PCSK2: variants seen among roughly 807,000 people sequenced by gnomAD.
The protein encoded by PCSK2 is neuroendocrine convertase 2.
Under a neutral mutation model 69.7 loss-of-function variants are expected in PCSK2, and 14 were observed. The ratio of observed to expected loss-of-function variants is 0.20; its 90% confidence interval spans 0.13 to 0.31. PCSK2 has a LOEUF of 0.31. PCSK2 is among the 10% of genes least tolerant of loss of function. PCSK2 has a pLI of 1.00. For synonymous variants in PCSK2, 307 were observed against 320.7 expected (o/e 0.96, Z 0.46); for missense variants, 544 against 842.5 (o/e 0.65, Z 4.39).
chr20:17,351,122 T>C (rs2029972050), intron 2 of PCSK2, among the ~76,000 whole-genome samples: 1 of 152,134 alleles, frequency 6.6e-6, no homozygotes, highest in African/African-American at 2.4e-5. Flanking sequence ...TGTTTTCTGC[T>C]TCATCTTAGC....
intron 2 of PCSK2, among the ~76,000 whole-genome samples, chr20:17,335,230 C>T (rs1990313361): frequency 6.6e-6 from 1 of 152,090 alleles, no homozygotes; most frequent in Non-Finnish European, 1.5e-5. Context: ...GGCTGGATGT[C>T]CAAGATGTCC....
chr20:17,404,685 T>C (rs1276944980), intron 5 of PCSK2, among the ~76,000 whole-genome samples: 1 of 152,180 alleles, frequency 6.6e-6, no homozygotes, highest in Non-Finnish European at 1.5e-5. Flanking sequence ...ATGGGGCACG[T>C]ATGTCTCAGA....
At chr20:17,269,350 A>C (rs1046136494) in intron 2 of PCSK2, among the ~76,000 whole-genome samples, 5 of 152,160 alleles carry the variant, frequency 3.3e-5, no homozygotes, top group Non-Finnish European at 7.4e-5. Context: ...ATAACTGGGG[A>C]CCAGCAAAGG....
intron 2 of PCSK2, among the ~76,000 whole-genome samples, chr20:17,313,075 G>C (rs1989566627): frequency 6.6e-6 from 1 of 152,120 alleles, no homozygotes; most frequent in Non-Finnish European, 1.5e-5. Context: ...TAAAAAGGAA[G>C]ACAAGGCAAT....
chr20:17,242,583 C>A (rs1986622549), intron 1 of PCSK2, among the ~76,000 whole-genome samples: 1 of 152,194 alleles, frequency 6.6e-6, no homozygotes, highest in Admixed American at 6.5e-5. Flanking sequence ...TGGGGTGTGA[C>A]AAACTGTTTT....
chr20:17,402,556 G>C (rs147737355), intron 5 of PCSK2, among the ~76,000 whole-genome samples: 1,754 of 151,994 alleles, frequency 0.012, 19 homozygotes, highest in South Asian at 0.039. Flanking sequence ...AGCTACTCAG[G>C]AGGCTGAGGC....
intron 2 of PCSK2, among the ~76,000 whole-genome samples, chr20:17,307,017 TG>T (rs1254810682): frequency 6.6e-6 from 1 of 152,242 alleles, no homozygotes; most frequent in Non-Finnish European, 1.5e-5. Flanking sequence ...GATATGTTAA[TG>T]TCTTATCAGC....
At chr20:17,412,672 T>C (rs2031902976) in intron 6 of PCSK2, among the ~76,000 whole-genome samples, 1 of 152,044 alleles carries the variant, frequency 6.6e-6, no homozygotes, top group South Asian at 2.1e-4. Context: ...ATTCAGGAAA[T>C]ACAGAGAACA....
In PCSK2 at chr20:17,409,380, G is replaced by C. The variant is rs948304754; in HGVS notation, c.620+41G>C. On this transcript the variant is annotated intron_variant, in intron 6 of 11. Coordinates refer to ENST00000262545, the MANE Select transcript of PCSK2 (RefSeq NM_002594.5). The stretch of plus-strand genomic sequence containing the variant: ...GGAGGTCTCTTTGACTTTAGGCTTT[G>C]GGGTTTTATTCTACTTTGTTTTGTT... 4.4e-6 allele frequency: 6 copies of C among 1,374,812 alleles called. No individual in the cohort carries two copies. The Admixed American group carries it at 5.1e-5, about 12-fold the overall frequency. 85.2% of individuals were successfully genotyped at this position (1,374,812 alleles called of 1,614,324 possible). A position where few individuals can be genotyped will look rare whatever the true frequency, so the allele number is the denominator to read the frequency against.
intron 2 of PCSK2, among the ~76,000 whole-genome samples, chr20:17,288,588 C>A (rs1988597266): frequency 6.6e-6 from 1 of 152,092 alleles, no homozygotes; most frequent in Admixed American, 6.5e-5. Context: ...GGAGATTGGG[C>A]CTTTAAAAGG....
intron 11 of PCSK2, chr20:17,479,176 C>CA: frequency 1.4e-6 from 2 of 1,385,268 alleles, no homozygotes; most frequent in Non-Finnish European, 2.1e-6. Context: ...TGTGGTATCC[C>CA]AAAAACAGGA....
intron 2 of PCSK2, among the ~76,000 whole-genome samples, chr20:17,303,372 A>G (rs1989158904): frequency 8.1e-6 from 1 of 123,980 alleles, no homozygotes; most frequent in Non-Finnish European, 1.6e-5. Context: ...ATGATATATA[A>G]TTATATATTA....
In PCSK2 at chr20:17,277,205, C is replaced by T. The variant is rs950409095; in HGVS notation, c.282+16861C>T. On this transcript the variant is annotated intron_variant, in intron 2 of 11. Transcript: ENST00000262545. Reference sequence around the variant, plus strand: ...GCTACCAATGACTTTCTTCACAGAACTGGAAAAAACTACTTTAAAGTTTAT... The same window carrying T: ...GCTACCAATGACTTTCTTCACAGAATTGGAAAAAACTACTTTAAAGTTTAT... Among the ~76,000 whole-genome samples, 55 of 152,148 alleles carry T rather than the reference C, an allele frequency of 3.6e-4. No homozygotes were observed. In the East Asian group the frequency reaches 7.9e-3, roughly 22 times the overall value.
At chr20:17,274,331 G>A (rs1987975694) in intron 2 of PCSK2, among the ~76,000 whole-genome samples, 1 of 152,250 alleles carries the variant, frequency 6.6e-6, no homozygotes, top group African/African-American at 2.4e-5. Context: ...CTCTCTTCAT[G>A]TGTGACCTTC....
chr20:17,400,981 T>C (rs1276562354), intron 5 of PCSK2, among the ~76,000 whole-genome samples: 1 of 152,220 alleles, frequency 6.6e-6, no homozygotes, highest in Admixed American at 6.5e-5. Context: ...TATTTAAATA[T>C]ACATCTTTCA....
intron 5 of PCSK2, among the ~76,000 whole-genome samples, chr20:17,383,874 A>G (rs2031156886): frequency 6.6e-6 from 1 of 152,222 alleles, no homozygotes; most frequent in Non-Finnish European, 1.5e-5. Flanking sequence ...CCTGGAAACA[A>G]TGCTTATAAT....
At position 17,456,096 on chromosome 20, in the gene PCSK2, C is replaced by T. The variant is rs11908412; in HGVS notation, c.1102-252C>T. Among the ~76,000 whole-genome samples the T allele has an allele frequency of 6.5e-3, 982 of 152,046 alleles. 13 individuals are homozygous for T. The highest frequency in any genetic ancestry group is 0.022 in the African/African-American group (932 of 41,466). The stretch of plus-strand genomic sequence containing the variant: ...CTCTACTAAAATTACAAAAATTAGC[C>T]GGGCATGGTGGCACGTGCCTGTAAT... On this transcript the variant is annotated intron_variant, in intron 9 of 11. Transcript: ENST00000262545.
chr20:17,392,847 C>T (rs577506824), intron 5 of PCSK2, among the ~76,000 whole-genome samples: 1 of 152,198 alleles, frequency 6.6e-6, no homozygotes, highest in South Asian at 2.1e-4. Flanking sequence ...GGATAACTTT[C>T]AGTTTGGACG....
chr20:17,236,085 A>T (rs1986327286), intron 1 of PCSK2, among the ~76,000 whole-genome samples: 1 of 152,164 alleles, frequency 6.6e-6, no homozygotes, highest in African/African-American at 2.4e-5. Flanking sequence ...CCAGCTTTAG[A>T]TAAACTCTAT....
Sources: allele counts gnomAD v4.1 joint callset (sites outside exome capture counted in the v4.1 genomes callset), GRCh38; gene constraint gnomAD v4.1.1; transcripts MANE v1.5; gene names NCBI Gene and HGNC (gene_info 2026-07-23, HGNC 2026-07-21).